The following CNNM3 variants were observed in gnomAD, a reference collection of about 807,000 sequenced individuals.
CNNM3 encodes the protein metal transporter CNNM3.
Under a neutral mutation model 57.1 loss-of-function variants are expected in CNNM3, and 47 were observed. That is an observed-to-expected ratio of 0.82 (90% CI 0.65 to 1.05). CNNM3 has a LOEUF of 1.05. CNNM3 is among the 50% of genes least tolerant of loss of function. The pLI is 0.00. For synonymous variants in CNNM3, 507 were observed against 478.2 expected (o/e 1.06, Z -0.79); for missense variants, 957 against 973.7 (o/e 0.98, Z 0.23).
chr2:96,826,035 A>G (rs569145787), intron 2 of CNNM3, among the ~76,000 whole-genome samples: 1 of 152,304 alleles, frequency 6.6e-6, no homozygotes, highest in African/African-American at 2.4e-5. Context: ...GCATGCTTCC[A>G]GAAGTATCGC....
chr2:96,832,851 C>G lies in CNNM3; in HGVS notation c.*235C>G. 1.3e-6 allele frequency: 2 copies of G among 1,509,292 alleles called. No homozygotes were observed. The highest frequency in any genetic ancestry group is 1.8e-6 in the Non-Finnish European group (2 of 1,130,350). The allele number at this position is 1,509,292 out of a possible 1,614,324, so 93.5% of individuals were successfully genotyped here. A position where few individuals can be genotyped will look rare whatever the true frequency, so the allele number is the denominator to read the frequency against. Reference sequence around the variant, plus strand: ...TCACCAGGGCACAGCCCTCCAGGCCCGCCTCAGGAAGGAATGAAAGGAATG... The same window carrying G: ...TCACCAGGGCACAGCCCTCCAGGCCGGCCTCAGGAAGGAATGAAAGGAATG... On this transcript the variant is annotated 3_prime_UTR_variant, in exon 8 of 8. Transcript: ENST00000305510.
In CNNM3 at chr2:96,833,134, C is replaced by T. The variant is rs1471613037; in HGVS notation, c.*518C>T. The T allele has an allele frequency of 1.5e-6, 1 of 685,684 alleles. No individual in the cohort carries two copies. Among genetic ancestry groups the T allele is most frequent in the East Asian group, 6.6e-5 (1 of 15,192 alleles). 42.5% of individuals were successfully genotyped at this position (685,684 alleles called of 1,614,324 possible). A position where few individuals can be genotyped will look rare whatever the true frequency, so the allele number is the denominator to read the frequency against. On this transcript the variant is annotated 3_prime_UTR_variant, in exon 8 of 8. Coordinates refer to ENST00000305510, the MANE Select transcript of CNNM3 (RefSeq NM_017623.5). ...GCCTTGTCCATGTTGTCCTTTCTGG[C>T]TTCCCTGATGGTGTCATGTTTCAGC...
intron 4 of CNNM3, 23 bp downstream of exon 4, chr2:96,827,923 G>A: frequency 6.2e-7 from 1 of 1,605,376 alleles, no homozygotes; most frequent in Non-Finnish European, 8.5e-7. Context: ...CCCAGGCCTG[G>A]AGTCCCTCCT....
In CNNM3 at chr2:96,828,262, C is replaced by T. The variant is rs1354221901; in HGVS notation, c.1786+67C>T. 2.3e-6 allele frequency: 3 copies of T among 1,324,060 alleles called. No homozygotes were observed. The East Asian group carries it at 7.1e-5, about 31-fold the overall frequency. The allele number at this position is 1,324,060 out of a possible 1,614,324, so 82.0% of individuals were successfully genotyped here. A position where few individuals can be genotyped will look rare whatever the true frequency, so the allele number is the denominator to read the frequency against. On this transcript the variant is annotated intron_variant, in intron 5 of 7. Coordinates refer to ENST00000305510, the MANE Select transcript of CNNM3 (RefSeq NM_017623.5). ...CTGCAGAGCCTGTCCCCCATCATCA[C>T]TTGGGCTCTCAGTGCCCCTCCTCAC...
chr2:96,817,066 C>G lies in CNNM3; in HGVS notation c.789C>G (p.Val263=). 1 of 1,366,714 alleles carries G rather than the reference C, an allele frequency of 7.3e-7. No individual in the cohort carries two copies. Among genetic ancestry groups the G allele is most frequent in the Non-Finnish European group, 9.4e-7 (1 of 1,064,374 alleles). 84.7% of individuals were successfully genotyped at this position (1,366,714 alleles called of 1,614,324 possible). A position where few individuals can be genotyped will look rare whatever the true frequency, so the allele number is the denominator to read the frequency against. The change falls in exon 1 of 8, where the codon GTC becomes GTG. Residue 263 remains valine, a synonymous_variant. Coordinates refer to ENST00000305510, the MANE Select transcript of CNNM3 (RefSeq NM_017623.5). ...PRALGLSRLA[V]LLTLPVALPV... The stretch of plus-strand genomic sequence containing the variant: ...CGCTCGGCCTCAGCCGCCTGGCCGT[C>G]CTGCTCACTCTGCCCGTCGCGCTGC...
chr2:96,825,923 C>T (rs1476938332), intron 2 of CNNM3, among the ~76,000 whole-genome samples: 4 of 152,188 alleles, frequency 2.6e-5, no homozygotes, highest in Non-Finnish European at 4.4e-5. Context: ...CAGCTGATCC[C>T]GTGCCCTTGA....
chr2:96,821,586 C>T lies in CNNM3; in HGVS notation c.1226-3472C>T, dbSNP rs1307274486. Among the ~76,000 whole-genome samples, 3 of 152,276 alleles carry T rather than the reference C, an allele frequency of 2.0e-5. No homozygotes were observed. The South Asian group carries it at 6.2e-4, about 32-fold the overall frequency. ...CAGACGTCACCAGGAAGAGTGAGTG[C>T]TTTGGAGCCATAATAAATAACTTGG... On this transcript the variant is annotated intron_variant, in intron 1 of 7. Transcript: ENST00000305510.
At chr2:96,823,625 C>G (rs1168309648) in intron 1 of CNNM3, among the ~76,000 whole-genome samples, 1 of 152,236 alleles carries the variant, frequency 6.6e-6, no homozygotes, top group Non-Finnish European at 1.5e-5. Context: ...TGCAAGCATC[C>G]TGGAGAACTG....
At position 96,827,783 on chromosome 2, in the gene CNNM3, G is replaced by A; in HGVS notation, c.1572G>A (p.Leu524=). The part of the protein sequence containing the change: ...LRISEKVLLH[L]LKHPSVNQEV... ...TCTCTGAGAAGGTCCTGCTGCACCT[G>A]TTGAAGCATCCCAGTGTCAACCAGG... The change falls in exon 4 of 8, where the codon CTG becomes CTA. Residue 524 remains leucine (L), a synonymous_variant. Transcript: ENST00000305510. 1 of 1,614,216 alleles carries A rather than the reference G, an allele frequency of 6.2e-7. No individual in the cohort carries two copies. Among genetic ancestry groups the A allele is most frequent in the South Asian group, 1.1e-5 (1 of 91,092 alleles).
At position 96,828,659 on chromosome 2, in the gene CNNM3, G is replaced by A. The variant is rs146508149; in HGVS notation, c.1879G>A (p.Asp627Asn). The change falls in exon 6 of 8, where the codon GAC (aspartate) becomes AAC (asparagine). Residue 627 changes from aspartate (D) to asparagine (N), a missense_variant. By Grantham distance (23) the Asp-to-Asn change is conservative. Around this residue, in one of 2 missense-constraint regions of CNNM3, gnomAD observed 491 missense variants for 570.6 expected, o/e 0.86. Transcript: ENST00000305510. Reference protein sequence around the residue: ...DGTHSSAYCPDYTVRALSDLQ... With the variant: ...DGTHSSAYCPNYTVRALSDLQ... ...CACGCATTCATCTGCGTATTGTCCC[G>A]ACTACACCGTGAGGGCGCTCTCTGA... The A allele has an allele frequency of 6.8e-6, 11 of 1,613,994 alleles. No individual in the cohort carries two copies. The highest frequency in any genetic ancestry group is 1.3e-5 in the African/African-American group (1 of 74,916).
chr2:96,816,983 G>A lies in CNNM3; in HGVS notation c.706G>A (p.Gly236Arg). The A allele has an allele frequency of 1.5e-6, 2 of 1,361,794 alleles. No individual in the cohort carries two copies. The highest frequency in any genetic ancestry group is 1.9e-6 in the Non-Finnish European group (2 of 1,051,260). The allele number at this position is 1,361,794 out of a possible 1,614,324, so 84.4% of individuals were successfully genotyped here. Residue 236 changes from glycine to arginine, a missense_variant, in exon 1 of 8, where the codon GGA becomes AGA. Transcript: ENST00000305510. ...CAGCGCGGGGCTCGTGTTCCTGGTG[G>A]GAGAGGTGGTGCCGGCCGCCGTGAG... ...LGSAGLVFLV[G>R]EVVPAAVSGR...
intron 3 of CNNM3, 104 bp downstream of exon 3, chr2:96,827,086 G>A (rs1455341381): frequency 5.3e-5 from 72 of 1,351,060 alleles, no homozygotes; most frequent in Non-Finnish European, 6.7e-5. Flanking sequence ...CCTAGCAGGC[G>A]GGTGCGTCTT....
intron 7 of CNNM3, among the ~76,000 whole-genome samples, chr2:96,829,962 C>T (rs2079573581): frequency 6.6e-6 from 1 of 152,156 alleles, no homozygotes; most frequent in Admixed American, 6.5e-5. Context: ...CCATCCAGTG[C>T]TCCACTGCGA....
At chr2:96,824,391 A>T (rs1456480713) in intron 1 of CNNM3, 3 of 153,448 alleles carry the variant, frequency 2.0e-5, no homozygotes, top group African/African-American at 7.2e-5. Context: ...ACAGCCCCTA[A>T]TGGGCAGCTT....
At chr2:96,827,069 C>T (rs904689787) in intron 3 of CNNM3, 87 bp downstream of exon 3, 2 of 1,460,788 alleles carry the variant, frequency 1.4e-6, no homozygotes, top group East Asian at 2.3e-5. Context: ...TGACTCTGCT[C>T]CCCACTCCTA....
chr2:96,817,589 A>G, intron 1 of CNNM3, 87 bp downstream of exon 1: 1 of 1,344,326 alleles, frequency 7.4e-7, no homozygotes, highest in South Asian at 1.3e-5. Flanking sequence ...CCTTCTGGAA[A>G]GGGTCCCACC....
At chr2:96,822,005 A>ATTTTTT (rs1201423556) in intron 1 of CNNM3, among the ~76,000 whole-genome samples, 1 of 142,378 alleles carries the variant, frequency 7.0e-6, no homozygotes, top group Admixed American at 7.1e-5. Context: ...TATTATTATT[A>ATTTTTT]TTTTTTTTTT....
In CNNM3 at chr2:96,833,290, C is replaced by G. The variant is rs987491465; in HGVS notation, c.*674C>G. 3 of 311,664 alleles carry G rather than the reference C, an allele frequency of 9.6e-6. No individual in the cohort carries two copies. Among genetic ancestry groups the G allele is most frequent in the Non-Finnish European group, 1.9e-5 (3 of 157,536 alleles). The allele number at this position is 311,664 out of a possible 1,614,324, so 19.3% of individuals were successfully genotyped here. A position where few individuals can be genotyped will look rare whatever the true frequency, so the allele number is the denominator to read the frequency against. On this transcript the variant is annotated 3_prime_UTR_variant, in exon 8 of 8. Coordinates refer to ENST00000305510, the MANE Select transcript of CNNM3 (RefSeq NM_017623.5). ...AGCTGGCCTAGTGGTGCTGAGGGCCCCTTTCTGCTTCTCTGCCCACCTGCT... is the reference window on the plus strand; with the variant it reads ...AGCTGGCCTAGTGGTGCTGAGGGCCGCTTTCTGCTTCTCTGCCCACCTGCT...
At chr2:96,818,928 C>G (rs116350930) in intron 1 of CNNM3, among the ~76,000 whole-genome samples, 1 of 152,206 alleles carries the variant, frequency 6.6e-6, no homozygotes, top group Non-Finnish European at 1.5e-5. Context: ...CCTGGCCTGT[C>G]GTTGCAGGAA....
Sources: gnomAD v4.1 joint callset for allele counts (sites outside exome capture counted in the v4.1 genomes callset) on GRCh38, gnomAD v4.1.1 for gene constraint, gnomAD v4.1.1 regional missense constraint, MANE v1.5 for transcripts, NCBI Gene and HGNC (gene_info 2026-07-23, HGNC 2026-07-21) for gene names.